Variants in APOOL observed in about 807,000 individuals in gnomAD.
APOOL encodes the protein MICOS complex subunit MIC27.
A neutral mutation model predicts 23.1 loss-of-function variants in APOOL; 12 were observed. The observed-to-expected ratio is 0.52, with a 90% CI of 0.33 to 0.84. APOOL has a LOEUF of 0.84. APOOL is among the 40% of genes least tolerant of loss of function. APOOL has a pLI of 0.02. For synonymous variants in APOOL, 77 were observed against 69.9 expected, an observed-to-expected ratio of 1.10 and a Z score of -0.51; for missense variants, 212 against 199.6, an observed-to-expected ratio of 1.06 and a Z score of -0.37.
Position 85,086,851 on chromosome X carries a change from C to A in APOOL, c.719-739C>A, listed in dbSNP as rs762503524. Among the ~76,000 whole-genome samples, 3 of 84,269 alleles carry A rather than the reference C, an allele frequency of 3.6e-5. No homozygotes were observed. The East Asian group carries it at 1.1e-3, about 31-fold the overall frequency. 73.2% of individuals were successfully genotyped at this position (84,269 alleles called of 115,157 possible). A position where few individuals can be genotyped will look rare whatever the true frequency, so the allele number is the denominator to read the frequency against. ...AGTAGCTGGGACTACAGGCGCCCGC[C>A]AACACGCCCGGCTAATTTTTTGTAT... On this transcript the variant is annotated intron_variant, in intron 8 of 8. Transcript: ENST00000373173.
At chrX:85,004,833 GTCA>G (rs1294083205) in intron 1 of APOOL, among the ~76,000 whole-genome samples, 3 of 111,212 alleles carry the variant, frequency 2.7e-5, no homozygotes, top group African/African-American at 9.8e-5. Context: ...TTATGGGCAT[GTCA>G]TCATCTCCCC....
intron 2 of APOOL, among the ~76,000 whole-genome samples, chrX:85,049,370 C>T (rs1922683466): frequency 9.0e-6 from 1 of 111,677 alleles, no homozygotes; most frequent in Non-Finnish European, 1.9e-5. Context: ...AAGGAAAATA[C>T]TTTAAAACAC....
chrX:85,004,704 C>T (rs1468848789), intron 1 of APOOL, among the ~76,000 whole-genome samples: 1 of 111,972 alleles, frequency 8.9e-6, no homozygotes, highest in Non-Finnish European at 1.9e-5. Flanking sequence ...TGAACAACCT[C>T]CTACCTGAAC....
intron 1 of APOOL, among the ~76,000 whole-genome samples, chrX:85,008,047 T>C (rs764952443): frequency 1.0e-3 from 114 of 111,802 alleles, no homozygotes; most frequent in Non-Finnish European, 1.8e-3. Context: ...TAGGGAATGG[T>C]AAATTCAAGA....
intron 1 of APOOL, among the ~76,000 whole-genome samples, chrX:85,009,329 G>A (rs1406806720): frequency 1.8e-5 from 2 of 111,819 alleles, no homozygotes; most frequent in Non-Finnish European, 3.8e-5. Context: ...GATCTTAGAG[G>A]AAAAGCTTTT....
intron 8 of APOOL, among the ~76,000 whole-genome samples, chrX:85,080,975 C>A: frequency 9.1e-6 from 1 of 109,974 alleles, no homozygotes; most frequent in African/African-American, 3.3e-5. Flanking sequence ...TTATTTTGAG[C>A]CTATGTGTGT....
intron 1 of APOOL, among the ~76,000 whole-genome samples, chrX:85,025,703 G>T (rs1921818836): frequency 8.9e-6 from 1 of 112,756 alleles, no homozygotes; most frequent in Admixed American, 9.3e-5. Flanking sequence ...AATCTCTTTT[G>T]ACTCTACGTT....
intron 1 of APOOL, among the ~76,000 whole-genome samples, chrX:85,028,599 C>T (rs1337711045): frequency 9.1e-6 from 1 of 109,843 alleles, no homozygotes; most frequent in Non-Finnish European, 1.9e-5. Context: ...TGACTCTAGT[C>T]GCACTATTGT....
At chrX:85,047,164 A>G (rs1035999485) in intron 2 of APOOL, among the ~76,000 whole-genome samples, 2 of 111,585 alleles carry the variant, frequency 1.8e-5, no homozygotes, top group Non-Finnish European at 3.8e-5. Flanking sequence ...ACTCTCTTTC[A>G]AAAAACAAGC....
chrX:85,080,171 A>C (rs1924036395), intron 8 of APOOL, among the ~76,000 whole-genome samples: 1 of 111,009 alleles, frequency 9.0e-6, no homozygotes, highest in Non-Finnish European at 1.9e-5. Context: ...TAGTTCTTTT[A>C]ATTGTGATGT....
chrX:85,024,539 T>TA (rs1921774188), intron 1 of APOOL, among the ~76,000 whole-genome samples: 3 of 112,540 alleles, frequency 2.7e-5, no homozygotes, highest in Non-Finnish European at 5.6e-5. Context: ...TTGGCAAAGT[T>TA]AGAGTGTTGC....
chrX:85,072,115 A>G (rs953338403), intron 6 of APOOL, among the ~76,000 whole-genome samples: 22 of 112,041 alleles, frequency 2.0e-4, no homozygotes, highest in Admixed American at 1.4e-3. Context: ...TCTCAAAAAA[A>G]ACAAACAAAA....
chrX:85,067,396 G>A (rs1186596495), intron 6 of APOOL, among the ~76,000 whole-genome samples, 178 bp downstream of exon 6: 5 of 111,334 alleles, frequency 4.5e-5, no homozygotes, highest in African/African-American at 1.6e-4. Context: ...TTGTTAATAA[G>A]ATGAATTTGT....
At chrX:85,064,427 C>T (rs898183856) in intron 5 of APOOL, among the ~76,000 whole-genome samples, 3 of 104,325 alleles carry the variant, frequency 2.9e-5, no homozygotes, top group Non-Finnish European at 3.9e-5. Flanking sequence ...GCTAGGTCTG[C>T]GGTTTGTTGG....
At chrX:85,053,173 T>C (rs1052227741) in intron 3 of APOOL, among the ~76,000 whole-genome samples, 5 of 111,635 alleles carry the variant, frequency 4.5e-5, no homozygotes, top group Non-Finnish European at 7.5e-5. Flanking sequence ...TGACCCCATG[T>C]GGTAAAAATG....
intron 5 of APOOL, among the ~76,000 whole-genome samples, chrX:85,059,468 C>T (rs184950626): frequency 1.7e-4 from 19 of 109,827 alleles, no homozygotes; most frequent in Non-Finnish European, 2.8e-4. Flanking sequence ...CTTCCACAAT[C>T]GTTGAACTAG....
intron 8 of APOOL, among the ~76,000 whole-genome samples, chrX:85,076,956 TCTGA>T (rs1208822165): frequency 1.2e-4 from 7 of 56,684 alleles, no homozygotes; most frequent in East Asian, 5.2e-4. Context: ...GTATGCCAAC[TCTGA>T]CTATGTTTTT....
chrX:85,046,259 C>T, intron 1 of APOOL, 187 bp from the exon 2 acceptor site: 1 of 367,790 alleles, frequency 2.7e-6, no homozygotes, highest in Non-Finnish European at 4.8e-6. Flanking sequence ...AGTGCTCTGC[C>T]ATCCAGTATG....
intron 1 of APOOL, among the ~76,000 whole-genome samples, chrX:85,035,517 C>T (rs1366341615): frequency 9.0e-6 from 1 of 111,046 alleles, no homozygotes; most frequent in Non-Finnish European, 1.9e-5. Flanking sequence ...TGCTGGGAAA[C>T]CTTTGCCAGG....
Sources: gnomAD v4.1 joint callset for allele counts (sites outside exome capture counted in the v4.1 genomes callset) on GRCh38, gnomAD v4.1.1 for gene constraint, MANE v1.5 for transcripts, NCBI Gene and HGNC (gene_info 2026-07-23, HGNC 2026-07-21) for gene names.